The following SETBP1 variants were observed in gnomAD, a reference collection of about 807,000 sequenced individuals.
The protein encoded by SETBP1 is SET-binding protein.
In SETBP1, 9 loss-of-function variants were observed where a neutral mutation model predicts 101.0. The observed-to-expected ratio is 0.09, with a 90% CI of 0.05 to 0.16. SETBP1 has a LOEUF of 0.16. SETBP1 is among the 10% of genes least tolerant of loss of function. The pLI, the probability that SETBP1 is intolerant of heterozygous loss-of-function variation, is 1.00. For synonymous variants in SETBP1, 818 were observed against 788.5 expected (o/e 1.04, Z -0.63); for missense variants, 1,858 against 2,033.8 (o/e 0.91, Z 1.66).
intron 3 of SETBP1, among the ~76,000 whole-genome samples, chr18:44,918,744 A>G (rs915967924): frequency 6.6e-6 from 1 of 152,228 alleles, no homozygotes; most frequent in Non-Finnish European, 1.5e-5. Context: ...ACATAAAAAC[A>G]TTTGACTATA....
intron 4 of SETBP1, among the ~76,000 whole-genome samples, chr18:44,994,677 G>A (rs1485245613): frequency 1.3e-5 from 2 of 152,098 alleles, no homozygotes; most frequent in Non-Finnish European, 2.9e-5. Flanking sequence ...GTACATGGTG[G>A]AATATCCATA....
intron 2 of SETBP1, among the ~76,000 whole-genome samples, chr18:44,811,137 C>T (rs2071853635): frequency 6.6e-6 from 1 of 152,194 alleles, no homozygotes; most frequent in Non-Finnish European, 1.5e-5. Flanking sequence ...TTGCAGACAG[C>T]TTGCCATAAG....
chr18:44,747,026 A>G (rs891341567), intron 2 of SETBP1, among the ~76,000 whole-genome samples: 11 of 152,196 alleles, frequency 7.2e-5, no homozygotes, highest in African/African-American at 2.7e-4. Flanking sequence ...TTGGCCCAAC[A>G]GTTAGTCACA....
chr18:44,896,627 C>A (rs2069909276), intron 3 of SETBP1, among the ~76,000 whole-genome samples: 1 of 152,036 alleles, frequency 6.6e-6, no homozygotes, highest in South Asian at 2.1e-4. Context: ...GTAGCTGGGA[C>A]TACAGGTGCA....
At chr18:44,759,078 A>G (rs529648844) in intron 2 of SETBP1, among the ~76,000 whole-genome samples, 3 of 152,320 alleles carry the variant, frequency 2.0e-5, no homozygotes, top group Admixed American at 2.0e-4. Flanking sequence ...GAGAACCATC[A>G]TTTTTATTCC....
Position 44,701,369 on chromosome 18 carries a change from G to A in SETBP1, c.23G>A (p.Ser8Asn). 6.6e-7 allele frequency: 1 copy of A among 1,523,640 alleles called. No homozygotes were observed. The highest frequency in any genetic ancestry group is 8.8e-7 in the Non-Finnish European group (1 of 1,132,224). The allele number at this position is 1,523,640 out of a possible 1,614,324, so 94.4% of individuals were successfully genotyped here. A position where few individuals can be genotyped will look rare whatever the true frequency, so the allele number is the denominator to read the frequency against. The change falls in exon 2 of 6, where the codon AGC (serine) becomes AAC (asparagine). Residue 8 changes from serine (S) to asparagine (N), a missense_variant. Around this residue, in one of 12 missense-constraint regions of SETBP1, gnomAD observed 97 missense variants for 101.2 expected, o/e 0.96. Transcript: ENST00000649279. MESRETL[S>N]SSRQRGGESD... Reference sequence around the variant, plus strand: ...GTCATGGAGTCCAGGGAAACCTTAAGCAGCTCCCGGCAAAGAGGGGGCGAG... The same window carrying A: ...GTCATGGAGTCCAGGGAAACCTTAAACAGCTCCCGGCAAAGAGGGGGCGAG...
intron 3 of SETBP1, among the ~76,000 whole-genome samples, chr18:44,925,697 T>C (rs948913278): frequency 2.0e-5 from 3 of 152,230 alleles, no homozygotes; most frequent in Non-Finnish European, 4.4e-5. Context: ...TCAGCATTCT[T>C]GCCTTTCCCA....
At chr18:44,701,049 GT>G in intron 1 of SETBP1, 125 bp from the exon 2 acceptor site, 1 of 300,128 alleles carries the variant, frequency 3.3e-6, no homozygotes, top group Non-Finnish European at 6.2e-6. Context: ...CTGGTTAGCT[GT>G]TTTTCCATCA....
At chr18:44,947,154 G>A (rs948793048) in intron 3 of SETBP1, among the ~76,000 whole-genome samples, 2 of 152,106 alleles carry the variant, frequency 1.3e-5, no homozygotes, top group African/African-American at 2.4e-5. Context: ...TAAAACTATG[G>A]TATGTGCAAC....
chr18:44,867,111 G>A lies in SETBP1; in HGVS notation c.487-2119G>A, dbSNP rs1009696971. 5.3e-5 allele frequency among the ~76,000 whole-genome samples: 8 copies of A among 152,272 alleles called. 1 individual carries two copies. In the South Asian group the frequency reaches 6.2e-4, roughly 12 times the overall value. ...ACCTAGAAAATGTTACTTAGCTTTC[G>A]TAAGTCTCAATTTTCCCATCAGTAA... On this transcript the variant is annotated intron_variant, in intron 2 of 5. Transcript: ENST00000649279.
At chr18:44,967,375 A>G (rs1174736478) in intron 4 of SETBP1, among the ~76,000 whole-genome samples, 3 of 152,230 alleles carry the variant, frequency 2.0e-5, no homozygotes, top group Non-Finnish European at 4.4e-5. Context: ...TTGTAGACCA[A>G]TGTATCTGCT....
rs1415453105 is a variant in SETBP1, at chr18:44,967,232, A to C, written c.4000+13892A>C. Among the ~76,000 whole-genome samples the C allele has an allele frequency of 2.0e-5, 3 of 152,352 alleles. No homozygotes were observed. The East Asian group carries it at 5.8e-4, about 29-fold the overall frequency. ...GTAACAAAATACACATTTCACCCAA[A>C]GATAACGGAAAGCTCACTGAGTAGG... is the stretch of plus-strand genomic sequence containing the variant. On this transcript the variant is annotated intron_variant, in intron 4 of 5. Transcript: ENST00000649279.
At position 44,952,057 on chromosome 18, in the gene SETBP1, C is replaced by G. The variant is rs144966931; in HGVS notation, c.2717C>G (p.Pro906Arg). ...FCSLDNPEAI[P>R]SDTSTKNRHG... ...TCCCTGGACAACCCGGAGGCCATTCCGTCCGACACCAGCACAAAGAACCGG... is the reference window on the plus strand; with the variant it reads ...TCCCTGGACAACCCGGAGGCCATTCGGTCCGACACCAGCACAAAGAACCGG... The change falls in exon 4 of 6, where the codon CCG becomes CGG. Residue 906 changes from proline to arginine, a missense_variant. By Grantham distance (103) the Pro-to-Arg change is moderately radical. Coordinates refer to ENST00000649279, the MANE Select transcript of SETBP1 (RefSeq NM_015559.3). 6.2e-7 allele frequency: 1 copy of G among 1,614,094 alleles called. No individual in the cohort carries two copies. Among genetic ancestry groups the G allele is most frequent in the Non-Finnish European group, 8.5e-7 (1 of 1,180,018 alleles).
intron 2 of SETBP1, among the ~76,000 whole-genome samples, chr18:44,844,722 G>C (rs2144548135): frequency 6.6e-6 from 1 of 152,126 alleles, no homozygotes; most frequent in East Asian, 1.9e-4. Flanking sequence ...AGCTCAGCAA[G>C]GCGGCATGTG....
chr18:44,982,887 G>A (rs1003435472), intron 4 of SETBP1, among the ~76,000 whole-genome samples: 5 of 152,168 alleles, frequency 3.3e-5, no homozygotes, highest in Admixed American at 6.5e-5. Context: ...GAGGGCAGCC[G>A]TGTTTCTATG....
At chr18:44,770,767 C>A (rs1375947413) in intron 2 of SETBP1, among the ~76,000 whole-genome samples, 1 of 152,108 alleles carries the variant, frequency 6.6e-6, no homozygotes, top group Non-Finnish European at 1.5e-5. Context: ...AGGCATTATG[C>A]ACTAGAATGT....
At chr18:44,913,579 AAGG>A (rs1232042934) in intron 3 of SETBP1, among the ~76,000 whole-genome samples, 1 of 152,232 alleles carries the variant, frequency 6.6e-6, no homozygotes, top group African/African-American at 2.4e-5. Context: ...TGGAAAACAG[AAGG>A]AGATGTCCTT....
At chr18:44,817,556 GC>G (rs2072006646) in intron 2 of SETBP1, among the ~76,000 whole-genome samples, 1 of 151,864 alleles carries the variant, frequency 6.6e-6, no homozygotes, top group Non-Finnish European at 1.5e-5. Context: ...GTGGTGGCAG[GC>G]ACCTGTAATC....
At chr18:44,943,797 A>G (rs1442351506) in intron 3 of SETBP1, among the ~76,000 whole-genome samples, 1 of 151,538 alleles carries the variant, frequency 6.6e-6, no homozygotes, top group African/African-American at 2.4e-5. Context: ...GTGGGAGGTC[A>G]TGAACACCAG....
Sources: gnomAD v4.1 joint callset for allele counts (sites outside exome capture counted in the v4.1 genomes callset) on GRCh38, gnomAD v4.1.1 for gene constraint, gnomAD v4.1.1 regional missense constraint, MANE v1.5 for transcripts, NCBI Gene and HGNC (gene_info 2026-07-23, HGNC 2026-07-21) for gene names.